SORT1: variants seen among roughly 807,000 people sequenced by gnomAD.
The protein encoded by SORT1 is sortilin 1, also known as sortilin.
SORT1 carries 39 observed loss-of-function variants against 101.7 expected under a neutral mutation model. The ratio of observed to expected loss-of-function variants is 0.38; its 90% CI spans 0.30 to 0.50. SORT1 has a LOEUF of 0.50. Among genes scored for constraint, SORT1 ranks in the 20% least tolerant of loss-of-function variants. SORT1 has a pLI of 0.90. For missense variants in SORT1, 878 were observed against 1,040.4 expected, an observed-to-expected ratio of 0.84 and a Z score of 2.15; for synonymous variants, 396 against 393.7, an observed-to-expected ratio of 1.01 and a Z score of -0.07.
intron 8 of SORT1, among the ~76,000 whole-genome samples, chr1:109,344,193 C>T (rs1385573100): frequency 6.6e-6 from 1 of 152,192 alleles, no homozygotes; most frequent in Non-Finnish European, 1.5e-5. Context: ...GCCAAGCTAC[C>T]ACCTCCCCAG....
At chr1:109,395,894 G>A (rs542609334) in intron 1 of SORT1, among the ~76,000 whole-genome samples, 2 of 152,044 alleles carry the variant, frequency 1.3e-5, no homozygotes, top group East Asian at 3.9e-4. Flanking sequence ...GGGGAACATG[G>A]CAAAACCCTG....
intron 1 of SORT1, among the ~76,000 whole-genome samples, chr1:109,380,149 G>A (rs926026222): frequency 5.3e-5 from 8 of 151,982 alleles, no homozygotes; most frequent in African/African-American, 1.5e-4. Context: ...ATAGCCAGGT[G>A]TGGTGGCATA....
chr1:109,353,344 A>C (rs1167238705), intron 5 of SORT1, among the ~76,000 whole-genome samples: 2 of 151,000 alleles, frequency 1.3e-5, no homozygotes, highest in African/African-American at 2.4e-5. Flanking sequence ...AAAAAAAAAA[A>C]AAAAAAACAA....
chr1:109,378,174 C>T (rs919349124), intron 1 of SORT1, among the ~76,000 whole-genome samples: 1 of 152,078 alleles, frequency 6.6e-6, no homozygotes, highest in Non-Finnish European at 1.5e-5. Flanking sequence ...GAATTCGAAG[C>T]TGCAGTAAGC....
At chr1:109,316,787 G>A (rs1570881777) in intron 17 of SORT1, 63 bp downstream of exon 17, 1 of 1,075,544 alleles carries the variant, frequency 9.3e-7, no homozygotes, top group Non-Finnish European at 1.4e-6. Flanking sequence ...CTTTAACTTT[G>A]ATTTTTCTTA....
intron 5 of SORT1, among the ~76,000 whole-genome samples, chr1:109,352,730 T>G (rs1368641353): frequency 6.6e-6 from 1 of 152,204 alleles, no homozygotes; most frequent in African/African-American, 2.4e-5. Context: ...TAGTACAAAT[T>G]GGTCCCTCTT....
chr1:109,350,793 C>A (rs1274748528), intron 6 of SORT1, 136 bp downstream of exon 6: 2 of 676,584 alleles, frequency 3.0e-6, no homozygotes, highest in East Asian at 5.0e-5. Context: ...GTGTCACACC[C>A]CTCTCCAATA....
chr1:109,386,701 T>C (rs1652590827), intron 1 of SORT1, among the ~76,000 whole-genome samples: 1 of 152,108 alleles, frequency 6.6e-6, no homozygotes, highest in East Asian at 1.9e-4. Flanking sequence ...TTTAAATAAT[T>C]GTTAAAAGTT....
chr1:109,379,567 C>A (rs1013026775), intron 1 of SORT1, among the ~76,000 whole-genome samples: 5 of 152,168 alleles, frequency 3.3e-5, no homozygotes, highest in African/African-American at 4.8e-5. Flanking sequence ...AAAGCCAGTA[C>A]CCTGAGGAGC....
chr1:109,332,358 G>A (rs905372829), intron 11 of SORT1, among the ~76,000 whole-genome samples: 1 of 152,166 alleles, frequency 6.6e-6, no homozygotes, highest in Admixed American at 6.5e-5. Flanking sequence ...TGAGGTGGTA[G>A]GATCACTTGA....
chr1:109,339,562 T>C (rs143675215), intron 10 of SORT1, among the ~76,000 whole-genome samples: 1 of 152,324 alleles, frequency 6.6e-6, no homozygotes, highest in Non-Finnish European at 1.5e-5. Flanking sequence ...TCACTCCCAT[T>C]AGGAGTGCTG....
chr1:109,376,808 A>C (rs1651887833), intron 1 of SORT1, among the ~76,000 whole-genome samples: 1 of 152,158 alleles, frequency 6.6e-6, no homozygotes, highest in Non-Finnish European at 1.5e-5. Flanking sequence ...GAGTGATGGG[A>C]TCATTTGTAT....
chr1:109,382,863 T>C (rs1652329316), intron 1 of SORT1, among the ~76,000 whole-genome samples: 1 of 152,142 alleles, frequency 6.6e-6, no homozygotes, highest in Non-Finnish European at 1.5e-5. Flanking sequence ...CATCCAAGCA[T>C]TTATTGCCTA....
Position 109,346,538 on chromosome 1 carries a change from G to A in SORT1, c.833-657C>T, listed in dbSNP as rs181735509. 7.9e-3 allele frequency among the ~76,000 whole-genome samples: 1,196 copies of A among 151,982 alleles called. 5 individuals are homozygous for A. Among genetic ancestry groups the A allele is most frequent in the Non-Finnish European group, 0.01 (683 of 67,946 alleles). ...AGCCGGGTGGATCACGAGGTCAGGA[G>A]TTCAAGACCACCCTGGCTAACACGG... On this transcript the variant is annotated intron_variant, in intron 7 of 19. Coordinates refer to ENST00000256637, the MANE Select transcript of SORT1 (RefSeq NM_002959.7).
chr1:109,332,467 T>C (rs1201404040), intron 11 of SORT1, among the ~76,000 whole-genome samples: 2 of 152,120 alleles, frequency 1.3e-5, no homozygotes, highest in African/African-American at 4.8e-5. Flanking sequence ...ACCTAGCTAC[T>C]TGGGACGTGG....
chr1:109,370,793 C>G (rs996579173), intron 1 of SORT1, among the ~76,000 whole-genome samples: 2 of 152,194 alleles, frequency 1.3e-5, no homozygotes, highest in African/African-American at 4.8e-5. Context: ...GTGCCTTCCA[C>G]AGGAATACTT....
chr1:109,314,095 A>G (rs761441051), intron 19 of SORT1, 38 bp from the exon 20 acceptor site: 1 of 1,613,696 alleles, frequency 6.2e-7, no homozygotes, highest in Non-Finnish European at 8.5e-7. Flanking sequence ...ACAGACCACA[A>G]CACTCCTATT....
chr1:109,352,720 T>C (rs577463736), intron 5 of SORT1, among the ~76,000 whole-genome samples: 7 of 152,238 alleles, frequency 4.6e-5, no homozygotes, highest in African/African-American at 1.4e-4. Context: ...ATTTGCACTT[T>C]AGTACAAATT....
At chr1:109,329,066 G>A (rs1648275721) in intron 11 of SORT1, among the ~76,000 whole-genome samples, 1 of 152,110 alleles carries the variant, frequency 6.6e-6, no homozygotes, top group African/African-American at 2.4e-5. Flanking sequence ...AAGGCACCAG[G>A]CCCACCTACC....
Sources: gnomAD v4.1 joint callset for allele counts (sites outside exome capture counted in the v4.1 genomes callset) on GRCh38, gnomAD v4.1.1 for gene constraint, MANE v1.5 for transcripts, NCBI Gene and HGNC (gene_info 2026-07-23, HGNC 2026-07-21) for gene names.